SPTSSB: variants seen among roughly 807,000 people sequenced by gnomAD.
The protein encoded by SPTSSB is androgen down regulated in mouse prostate.
SPTSSB carries 6 observed loss-of-function variants against 7.7 expected under a neutral mutation model. The ratio of observed to expected loss-of-function variants is 0.78; its 90% CI spans 0.43 to 1.54. SPTSSB has a LOEUF of 1.54. Ranked by LOEUF, SPTSSB falls within the 40% of genes most tolerant of loss-of-function variation. SPTSSB has a pLI of 0.01. For missense variants in SPTSSB, 91 were observed against 93.0 expected (o/e 0.98, Z 0.09); for synonymous variants, 28 against 29.7 (o/e 0.94, Z 0.19).
At chr3:161,366,574 T>A (rs776999133) in intron 1 of SPTSSB, among the ~76,000 whole-genome samples, 48 of 152,328 alleles carry the variant, frequency 3.2e-4, no homozygotes, top group Non-Finnish European at 6.0e-4. Context: ...TGCATGATCT[T>A]AATTCCTAGT....
rs752132193 is a variant in SPTSSB, at chr3:161,346,233, G to A, written c.91C>T (p.Arg31Ter). 9.9e-6 allele frequency: 16 copies of A among 1,613,370 alleles called. No homozygotes were observed. Among genetic ancestry groups the A allele is most frequent in the East Asian group, 2.2e-5 (1 of 44,860 alleles). ...AGTAAGATGGTGTTAAACATAGATC[G>A]CTCCCAGGGCTCTAAAACAGCACAG... is the stretch of plus-strand genomic sequence containing the variant. The part of the protein sequence containing the change: ...SCCAVLEPWE[R>*]SMFNTILLTI... The change falls in exon 3 of 3, where the codon CGA becomes TGA. Residue 31 changes from arginine to a stop codon, truncating the protein, a stop_gained. Transcript: ENST00000620149. LOFTEE classifies it high-confidence loss of function.
rs1252584342 is a variant in SPTSSB at position 161,359,110 on chromosome 3, G to GT, written c.-33+691dup. On this transcript the variant is annotated intron_variant, in intron 2 of 2. Transcript: ENST00000620149. ...GACAGGCAGCTAGTAGTATCTAGGT[G>GT]TTTTTTTTGTAATTCTATTTCCTTT... 3.9e-4 allele frequency among the ~76,000 whole-genome samples: 59 copies of GT among 151,696 alleles called. 1 individual carries two copies. Among genetic ancestry groups the GT allele is most frequent in the Admixed American group, 2.8e-3 (43 of 15,234 alleles).
chr3:161,357,792 T>A (rs1714837567), intron 2 of SPTSSB, among the ~76,000 whole-genome samples: 1 of 150,128 alleles, frequency 6.7e-6, no homozygotes. Context: ...CAAAAAAAAA[T>A]GCCTGAAGCC....
At position 161,346,042 on chromosome 3, in the gene SPTSSB, C is replaced by G. The variant is rs1375510197; in HGVS notation, c.*51G>C. On this transcript the variant is annotated 3_prime_UTR_variant, in exon 3 of 3. Coordinates refer to ENST00000620149, the MANE Select transcript of SPTSSB (RefSeq NM_001040100.2). ...CACAATAGTTACCTAAATCAATAAG[C>G]TGTAAGCAACATATAAATATGCAAT... 5 of 948,118 alleles carry G rather than the reference C, an allele frequency of 5.3e-6. No individual in the cohort carries two copies. The highest frequency in any genetic ancestry group is 1.4e-5 in the South Asian group (1 of 72,512). 58.7% of individuals were successfully genotyped at this position (948,118 alleles called of 1,614,324 possible).
intron 2 of SPTSSB, among the ~76,000 whole-genome samples, chr3:161,355,278 T>C (rs1714718321): frequency 6.6e-6 from 1 of 152,218 alleles, no homozygotes; most frequent in African/African-American, 2.4e-5. Context: ...GGCTTTTTCC[T>C]TTTGAATATA....
At chr3:161,369,752 C>A (rs141714851) in intron 1 of SPTSSB, among the ~76,000 whole-genome samples, 1 of 152,050 alleles carries the variant, frequency 6.6e-6, no homozygotes, top group East Asian at 1.9e-4. Context: ...ATACTGTAGA[C>A]GAGGATCTAG....
At chr3:161,370,048 G>A (rs764838977) in intron 1 of SPTSSB, among the ~76,000 whole-genome samples, 3 of 152,188 alleles carry the variant, frequency 2.0e-5, no homozygotes, top group African/African-American at 7.2e-5. Context: ...CTGGAAGTGA[G>A]TCCCATTTGG....
intron 2 of SPTSSB, among the ~76,000 whole-genome samples, chr3:161,349,547 G>A (rs1714422676): frequency 6.6e-6 from 1 of 152,202 alleles, no homozygotes; most frequent in African/African-American, 2.4e-5. Flanking sequence ...CTTTTGAAAA[G>A]ATGACTTTCG....
chr3:161,359,461 T>C (rs1283593104), intron 2 of SPTSSB: 1 of 152,246 alleles, frequency 6.6e-6, no homozygotes, highest in African/African-American at 2.4e-5. Context: ...TGTGCTGGGA[T>C]TGGCCTCTTC....
intron 2 of SPTSSB, among the ~76,000 whole-genome samples, chr3:161,353,914 C>T (rs189869184): frequency 6.6e-6 from 1 of 152,206 alleles, no homozygotes; most frequent in East Asian, 1.9e-4. Context: ...CTTCCTTTGG[C>T]AACCAATTCC....
chr3:161,371,031 T>C lies in SPTSSB; in HGVS notation c.-126+404A>G, dbSNP rs534043384. Among the ~76,000 whole-genome samples, 21 of 152,330 alleles carry C rather than the reference T, an allele frequency of 1.4e-4. No individual in the cohort carries two copies. The East Asian group carries it at 3.9e-3, about 28-fold the overall frequency. On this transcript the variant is annotated intron_variant, in intron 1 of 2. Coordinates refer to ENST00000620149, the MANE Select transcript of SPTSSB (RefSeq NM_001040100.2). ...GTGTGTACTATTGCCTAAAGTACAG[T>C]AGTTTAAGTAGCTTATGGGCAGAGA... is the stretch of plus-strand genomic sequence containing the variant.
chr3:161,363,062 T>G, intron 1 of SPTSSB, among the ~76,000 whole-genome samples: 1 of 151,850 alleles, frequency 6.6e-6, no homozygotes. Context: ...TTCTTAAGAG[T>G]TTACAATTGC....
chr3:161,349,374 T>TG (rs1714415366), intron 2 of SPTSSB, among the ~76,000 whole-genome samples: 1 of 152,214 alleles, frequency 6.6e-6, no homozygotes, highest in Non-Finnish European at 1.5e-5. Context: ...TAGAACTAGA[T>TG]GATAGCAAAC....
At chr3:161,349,921 G>A (rs1473566502) in intron 2 of SPTSSB, among the ~76,000 whole-genome samples, 2 of 152,184 alleles carry the variant, frequency 1.3e-5, no homozygotes, top group Middle Eastern at 3.2e-3. Flanking sequence ...GTGCGGTGGA[G>A]AAGGAGATGA....
intron 2 of SPTSSB, among the ~76,000 whole-genome samples, chr3:161,351,292 A>C (rs1043440018): frequency 2.6e-5 from 4 of 152,012 alleles, no homozygotes; most frequent in Non-Finnish European, 1.5e-5. Flanking sequence ...GTATATGGGA[A>C]CTCCCTGTAT....
intron 1 of SPTSSB, among the ~76,000 whole-genome samples, chr3:161,367,321 A>G (rs1715267306): frequency 6.6e-6 from 1 of 152,254 alleles, no homozygotes; most frequent in African/African-American, 2.4e-5. Flanking sequence ...TCAGCATGAT[A>G]TGCTCCTCAA....
intron 2 of SPTSSB, among the ~76,000 whole-genome samples, chr3:161,356,827 G>A (rs550329251): frequency 1.3e-5 from 2 of 151,976 alleles, no homozygotes; most frequent in Admixed American, 6.6e-5. Context: ...ACTTATTAGC[G>A]CTTTTACAGA....
At chr3:161,360,491 T>A (rs1051125460) in intron 1 of SPTSSB, among the ~76,000 whole-genome samples, 2 of 152,186 alleles carry the variant, frequency 1.3e-5, no homozygotes, top group Admixed American at 6.5e-5. Context: ...AACAGTGATA[T>A]TGTCTTATGC....
intron 2 of SPTSSB, 45 bp from the exon 3 acceptor site, chr3:161,346,400 G>A: frequency 1.0e-6 from 1 of 996,862 alleles, no homozygotes; most frequent in Non-Finnish European, 1.6e-6. Context: ...ACCAAACATA[G>A]AATCACTTTA....
Sources: gnomAD v4.1 joint callset for allele counts (sites outside exome capture counted in the v4.1 genomes callset) on GRCh38, gnomAD v4.1.1 for gene constraint, MANE v1.5 for transcripts, NCBI Gene and HGNC (gene_info 2026-07-23, HGNC 2026-07-21) for gene names.